Variants in ATP6V1D observed in about 807,000 individuals in gnomAD.
ATP6V1D encodes V-type proton ATPase subunit D.
Under a neutral mutation model 39.4 loss-of-function variants are expected in ATP6V1D, and 20 were observed. The ratio of observed to expected loss-of-function variants is 0.51; its 90% CI spans 0.36 to 0.74. The LOEUF (loss-of-function observed/expected upper bound fraction) is 0.74, where lower values mean the gene tolerates loss of function less well. ATP6V1D is among the 30% of genes least tolerant of loss of function. The pLI, the probability that ATP6V1D is intolerant of heterozygous loss-of-function variation, is 0.00. For missense variants in ATP6V1D, 228 were observed against 291.6 expected (o/e 0.78, Z 1.59); for synonymous variants, 100 against 100.5 (o/e 0.99, Z 0.03).
At position 67,359,040 on chromosome 14, in the gene ATP6V1D, G is replaced by A. The variant is rs147271397; in HGVS notation, c.41+618C>T. Among the ~76,000 whole-genome samples the A allele has an allele frequency of 6.4e-4, 97 of 152,340 alleles. 1 individual carries two copies. The East Asian group carries it at 0.018, about 29-fold the overall frequency. On this transcript the variant is annotated intron_variant, in intron 1 of 8. Transcript: ENST00000216442. ...TGATGACCGGTATTAACACAGGTCT[G>A]AACAAGGTGCAGCGGTGAGAGAGCA...
intron 3 of ATP6V1D, among the ~76,000 whole-genome samples, chr14:67,349,679 G>GCCAGTCTCATAAC (rs2085643890): frequency 6.6e-6 from 1 of 152,098 alleles, no homozygotes; most frequent in East Asian, 1.9e-4. Context: ...ACAAAAATTA[G>GCCAGTCTCATAAC]CCAGTCTCAT....
intron 1 of ATP6V1D, among the ~76,000 whole-genome samples, chr14:67,355,432 GAAGT>G (rs375338371): frequency 3.3e-3 from 225 of 68,326 alleles, no homozygotes; most frequent in African/African-American, 9.6e-3. Flanking sequence ...CGAGGATGTA[GAAGT>G]AAGACCCTGT....
At position 67,340,458 on chromosome 14, in the gene ATP6V1D, T is replaced by G. The variant is rs1179702514; in HGVS notation, c.584A>C (p.Glu195Ala). The part of the protein sequence containing the change: ...AYIITELDER[E>A]REEFYRLKKI... ...AACAAACCTATAGAACTCTTCTCGCTCTCTCTCATCCAGCTCTGTGATGAT... is the reference window on the plus strand; with the variant it reads ...AACAAACCTATAGAACTCTTCTCGCGCTCTCTCATCCAGCTCTGTGATGAT... Residue 195 changes from glutamate to alanine, a missense_variant, in exon 8 of 9, where the codon GAG (glutamate) becomes GCG (alanine). Around this residue, in one of 3 missense-constraint regions of ATP6V1D, gnomAD observed 114 missense variants for 128.3 expected, o/e 0.89. Coordinates refer to ENST00000216442, the MANE Select transcript of ATP6V1D (RefSeq NM_015994.4). 1.2e-6 allele frequency: 2 copies of G among 1,613,790 alleles called. No individual in the cohort carries two copies.
At chr14:67,349,882 C>T (rs1482708052) in intron 3 of ATP6V1D, among the ~76,000 whole-genome samples, 1 of 152,098 alleles carries the variant, frequency 6.6e-6, no homozygotes, top group Non-Finnish European at 1.5e-5. Context: ...CTTATTAAGG[C>T]CCAAGAGCAG....
At position 67,346,861 on chromosome 14, in the gene ATP6V1D, A is replaced by C. The variant is rs537695317; in HGVS notation, c.352+548T>G. Among the ~76,000 whole-genome samples the C allele has an allele frequency of 3.9e-5, 6 of 152,332 alleles. 1 individual carries two copies. The South Asian group carries it at 1.2e-3, about 32-fold the overall frequency. On this transcript the variant is annotated intron_variant, in intron 5 of 8. Coordinates refer to ENST00000216442, the MANE Select transcript of ATP6V1D (RefSeq NM_015994.4). ...ATGCAGAAAAACAACACAGAAGTCT[A>C]ATCAGTGAATTCATATTCAAAAGGC...
intron 2 of ATP6V1D, among the ~76,000 whole-genome samples, chr14:67,351,037 T>C (rs78072257): frequency 0.021 from 3,219 of 152,336 alleles, 44 homozygotes; most frequent in Middle Eastern, 0.034. Context: ...TAATGGTGTA[T>C]TAATTTTAAA....
At position 67,349,129 on chromosome 14, in the gene ATP6V1D, T is replaced by C. The variant is rs2141104117; in HGVS notation, c.240-25A>G. 3.1e-6 allele frequency: 5 copies of C among 1,606,702 alleles called. No homozygotes were observed. The East Asian group carries it at 1.1e-4, about 36-fold the overall frequency. ...GCTGCAGAAAAAGAGAAAGACTTTA[T>C]TTAGCAGACTCTTCAGAAATAAACC... On this transcript the variant is annotated intron_variant, in intron 3 of 8. Coordinates refer to ENST00000216442, the MANE Select transcript of ATP6V1D (RefSeq NM_015994.4).
intron 7 of ATP6V1D, among the ~76,000 whole-genome samples, chr14:67,341,015 G>C (rs1272212324): frequency 6.6e-6 from 1 of 152,126 alleles, no homozygotes; most frequent in Non-Finnish European, 1.5e-5. Context: ...GCGTGATCTC[G>C]GCTCGCTACA....
rs969979534 is a variant in ATP6V1D, at chr14:67,352,861, AT to A, written c.159+61del. ...TAAAATAACAACAACAAAAAAAAAA[AT>A]GCCAAGGGCCATGCTGGATTTTTCT... On this transcript the variant is annotated intron_variant, in intron 2 of 8. Coordinates refer to ENST00000216442, the MANE Select transcript of ATP6V1D (RefSeq NM_015994.4). The A allele has an allele frequency of 2.5e-5, 24 of 963,114 alleles. No homozygotes were observed. In the African/African-American group the frequency reaches 3.7e-4, roughly 15 times the overall value. 59.7% of individuals were successfully genotyped at this position (963,114 alleles called of 1,614,324 possible).
chr14:67,356,464 C>T (rs933401649), intron 1 of ATP6V1D, among the ~76,000 whole-genome samples: 1 of 150,310 alleles, frequency 6.7e-6, no homozygotes, highest in African/African-American at 2.5e-5. Flanking sequence ...CAAACAAACA[C>T]CATTTGGCCA....
chr14:67,342,940 G>T (rs2085596147), intron 7 of ATP6V1D, among the ~76,000 whole-genome samples: 1 of 152,088 alleles, frequency 6.6e-6, no homozygotes, highest in Non-Finnish European at 1.5e-5. Flanking sequence ...GAAAATAAGT[G>T]CATCAAATGG....
At chr14:67,352,312 A>C (rs2085659459) in intron 2 of ATP6V1D, among the ~76,000 whole-genome samples, 1 of 151,906 alleles carries the variant, frequency 6.6e-6, no homozygotes, top group Admixed American at 6.6e-5. Context: ...TCTACTAAAA[A>C]TAAAAAAAAT....
intron 1 of ATP6V1D, among the ~76,000 whole-genome samples, chr14:67,354,280 A>G (rs2085672206): frequency 6.6e-6 from 1 of 152,240 alleles, no homozygotes; most frequent in Non-Finnish European, 1.5e-5. Flanking sequence ...AAATGTTATC[A>G]GGAGCCTTAT....
intron 7 of ATP6V1D, among the ~76,000 whole-genome samples, chr14:67,340,963 C>T (rs545452171): frequency 2.0e-5 from 3 of 152,350 alleles, no homozygotes; most frequent in East Asian, 1.9e-4. Flanking sequence ...GATGGAGTCT[C>T]GTTCACTCAG....
chr14:67,356,007 GTGTT>G (rs962420599), intron 1 of ATP6V1D, among the ~76,000 whole-genome samples: 13 of 151,918 alleles, frequency 8.6e-5, no homozygotes, highest in African/African-American at 2.9e-4. Flanking sequence ...AAAAAAACAA[GTGTT>G]TGGGTAATAA....
chr14:67,353,018 G>T lies in ATP6V1D; in HGVS notation c.64C>A (p.Arg22Ser), dbSNP rs142143626. The change falls in exon 2 of 9, where the codon CGT (arginine) becomes AGT (serine). Residue 22 changes from arginine (R) to serine (S), a missense_variant. Coordinates refer to ENST00000216442, the MANE Select transcript of ATP6V1D (RefSeq NM_015994.4). ...CGACCTGTCTGTGCTCCCTTTAAACGAGCCTTCATGATGGTCTGTGCCCTA... is the reference window on the plus strand; with the variant it reads ...CGACCTGTCTGTGCTCCCTTTAAACTAGCCTTCATGATGGTCTGTGCCCTA... The part of the protein sequence containing the change: ...SRMAQTIMKA[R>S]LKGAQTGRNL... 1 of 1,613,456 alleles carries T rather than the reference G, an allele frequency of 6.2e-7. No homozygotes were observed. The highest frequency in any genetic ancestry group is 1.3e-5 in the African/African-American group (1 of 74,956).
At chr14:67,347,519 G>A in intron 4 of ATP6V1D, 66 bp from the exon 5 acceptor site, 1 of 906,158 alleles carries the variant, frequency 1.1e-6, no homozygotes, top group Admixed American at 3.1e-5. Context: ...TTTTTTTTCT[G>A]AGACGGAGTT....
chr14:67,352,038 G>A lies in ATP6V1D; in HGVS notation c.159+885C>T, dbSNP rs955226168. ...AGTGGCTAACACCTGTAATCCCAGT[G>A]CTTTGGAAGGATGAGGTGGAATGAT... On this transcript the variant is annotated intron_variant, in intron 2 of 8. Transcript: ENST00000216442. Among the ~76,000 whole-genome samples the A allele has an allele frequency of 1.6e-4, 24 of 152,018 alleles. No individual in the cohort carries two copies. The South Asian group carries it at 1.7e-3, about 11-fold the overall frequency.
chr14:67,343,591 C>T (rs2085601168), intron 6 of ATP6V1D, among the ~76,000 whole-genome samples, 153 bp from the exon 7 acceptor site: 1 of 152,176 alleles, frequency 6.6e-6, no homozygotes, highest in South Asian at 2.1e-4. Flanking sequence ...TTAGGCTGGG[C>T]GCATGGCTCA....
Sources: gnomAD v4.1 joint callset for allele counts (sites outside exome capture counted in the v4.1 genomes callset) on GRCh38, gnomAD v4.1.1 for gene constraint, gnomAD v4.1.1 regional missense constraint, MANE v1.5 for transcripts, NCBI Gene and HGNC (gene_info 2026-07-23, HGNC 2026-07-21) for gene names.